Variants in N4BP2 observed in about 807,000 individuals in gnomAD.
N4BP2 encodes the protein NEDD4-binding protein 2.
A neutral mutation model predicts 152.8 loss-of-function variants in N4BP2; 91 were observed. That is an observed-to-expected ratio of 0.60 (90% CI 0.50 to 0.71). N4BP2 has a LOEUF of 0.71. Ranked by LOEUF, N4BP2 falls within the 30% of genes least tolerant of loss-of-function variation. The pLI is 0.00. For synonymous variants in N4BP2, 646 were observed against 705.3 expected (o/e 0.92, Z 1.33); for missense variants, 1,923 against 2,059.1 (o/e 0.93, Z 1.28).
Position 40,112,605 on chromosome 4 carries a change from C to T in N4BP2, c.1587+433C>T, listed in dbSNP as rs1352869402. 3.3e-5 allele frequency among the ~76,000 whole-genome samples: 5 copies of T among 152,052 alleles called. No homozygotes were observed. In the South Asian group the frequency reaches 1.0e-3, roughly 32 times the overall value. On this transcript the variant is annotated intron_variant, in intron 6 of 17. Coordinates refer to ENST00000261435, the MANE Select transcript of N4BP2 (RefSeq NM_018177.6). ...AGCATTCTGTAAACTCAGCTATTTTCTCTGAATTTGCCAGATTTCTTTTAA... is the reference window on the plus strand; with the variant it reads ...AGCATTCTGTAAACTCAGCTATTTTTTCTGAATTTGCCAGATTTCTTTTAA...
intron 13 of N4BP2, among the ~76,000 whole-genome samples, chr4:40,132,397 T>C (rs759106287): frequency 5.3e-5 from 8 of 152,118 alleles, no homozygotes; most frequent in Non-Finnish European, 1.2e-4. Context: ...TTATTTTAAA[T>C]GTCTACCTTT....
the N4BP2 span, among the ~76,000 whole-genome samples, chr4:40,187,040 CT>C: frequency 1.3e-5 from 2 of 152,212 alleles, no homozygotes; most frequent in Non-Finnish European, 2.9e-5. Flanking sequence ...CACAATTTTA[CT>C]TCACTGACTC....
chr4:40,145,793 T>C (rs1720457594), intron 16 of N4BP2, among the ~76,000 whole-genome samples: 1 of 152,154 alleles, frequency 6.6e-6, no homozygotes, highest in Admixed American at 6.5e-5. Context: ...GTTTATTGTC[T>C]AGTGGGGTAT....
the N4BP2 span, among the ~76,000 whole-genome samples, chr4:40,164,493 A>G: frequency 6.6e-6 from 1 of 152,198 alleles, no homozygotes; most frequent in African/African-American, 2.4e-5. Flanking sequence ...ATTGAAAGCC[A>G]GTCTGCTGGA....
chr4:40,119,993 A>G lies in N4BP2; in HGVS notation c.1882A>G (p.Lys628Glu). The change falls in exon 9 of 18, where the codon AAG (lysine) becomes GAG (glutamate). Residue 628 changes from lysine (K) to glutamate (E), a missense_variant. By Grantham distance (56) the Lys-to-Glu change is moderately conservative. Transcript: ENST00000261435. ...AGAAAATATTTTATCTTTATCTTTG[A>G]AGCATCTAGAGTTCACTGAAGAGAA... ...KEENILSLSL[K>E]HLEFTEEKNL... The G allele has an allele frequency of 6.5e-7, 1 of 1,539,718 alleles. No individual in the cohort carries two copies. The highest frequency in any genetic ancestry group is 1.4e-5 in the African/African-American group (1 of 71,938).
At chr4:40,082,666 A>G (rs974920035) in intron 2 of N4BP2, among the ~76,000 whole-genome samples, 1 of 151,666 alleles carries the variant, frequency 6.6e-6, no homozygotes, top group Admixed American at 6.6e-5. Context: ...CAAACAAACC[A>G]ACCCAACACC....
intron 8 of N4BP2, among the ~76,000 whole-genome samples, chr4:40,119,063 T>C (rs563589576): frequency 6.6e-6 from 1 of 152,338 alleles, no homozygotes; most frequent in African/African-American, 2.4e-5. Context: ...CTATATTTCC[T>C]GGGTTCAAAA....
intron 2 of N4BP2, among the ~76,000 whole-genome samples, chr4:40,084,809 TTC>T (rs891724716): frequency 8.6e-5 from 13 of 150,972 alleles, no homozygotes; most frequent in Non-Finnish European, 1.5e-4. Flanking sequence ...GAGACAGGGT[TTC>T]TCCATATTGG....
intron 14 of N4BP2, among the ~76,000 whole-genome samples, chr4:40,138,366 G>A (rs761849439): frequency 2.6e-5 from 4 of 152,172 alleles, no homozygotes; most frequent in Non-Finnish European, 5.9e-5. Flanking sequence ...CAGATATTCT[G>A]TCCTTTCCAT....
intron 15 of N4BP2, among the ~76,000 whole-genome samples, chr4:40,143,509 C>G (rs1403339567): frequency 6.6e-6 from 1 of 152,040 alleles, no homozygotes. Flanking sequence ...CCATGTTGTC[C>G]AGGCTGGTCG....
intron 6 of N4BP2, among the ~76,000 whole-genome samples, chr4:40,113,194 A>C (rs528687221): frequency 6.6e-6 from 1 of 152,204 alleles, no homozygotes; most frequent in African/African-American, 2.4e-5. Context: ...AAAACTGGCT[A>C]TCCTGGCATA....
At chr4:40,096,047 T>C (rs892909426) in intron 2 of N4BP2, among the ~76,000 whole-genome samples, 1 of 152,158 alleles carries the variant, frequency 6.6e-6, no homozygotes, top group African/African-American at 2.4e-5. Context: ...TTGGGAAATA[T>C]ATTAGACATT....
At position 40,123,187 on chromosome 4, in the gene N4BP2, A is replaced by G; in HGVS notation, c.4259A>G (p.His1420Arg). ...HIDLNLAKVI[H>R]EKWKESVMER... Reference sequence around the variant, plus strand: ...GATCTGAATCTGGCGAAAGTGATTCATGAGAAATGGAAAGAATCTGTAATG... The same window carrying G: ...GATCTGAATCTGGCGAAAGTGATTCGTGAGAAATGGAAAGAATCTGTAATG... The change falls in exon 10 of 18, where the codon CAT becomes CGT. Residue 1420 changes from histidine (H) to arginine (R), a missense_variant. By Grantham distance (29) the His-to-Arg change is conservative. Transcript: ENST00000261435. 3.1e-6 allele frequency: 5 copies of G among 1,612,232 alleles called. No homozygotes were observed. The highest frequency in any genetic ancestry group is 3.4e-6 in the Non-Finnish European group (4 of 1,178,424).
chr4:40,090,706 G>C (rs1299628664), intron 2 of N4BP2, among the ~76,000 whole-genome samples: 1 of 152,098 alleles, frequency 6.6e-6, no homozygotes, highest in African/African-American at 2.4e-5. Flanking sequence ...GCTGAGGCAG[G>C]CCGATCACCT....
the N4BP2 span, among the ~76,000 whole-genome samples, chr4:40,169,422 CATT>C: frequency 6.7e-6 from 1 of 150,334 alleles, no homozygotes; most frequent in Non-Finnish European, 1.5e-5. Context: ...TTAAATTTCA[CATT>C]ATTTGATGAA....
At chr4:40,127,973 T>C (rs1474626939) in intron 12 of N4BP2, among the ~76,000 whole-genome samples, 1 of 152,220 alleles carries the variant, frequency 6.6e-6, no homozygotes, top group East Asian at 1.9e-4. Context: ...AACAAAATAT[T>C]TTAGAGAAAA....
chr4:40,113,407 A>G, intron 6 of N4BP2, 25 bp from the exon 7 acceptor site: 1 of 1,487,464 alleles, frequency 6.7e-7, no homozygotes, highest in Non-Finnish European at 9.3e-7. Context: ...CTATTTTAAA[A>G]TGTTTTTGTC....
chr4:40,109,609 T>C (rs889145147), intron 5 of N4BP2, among the ~76,000 whole-genome samples: 1 of 151,974 alleles, frequency 6.6e-6, no homozygotes, highest in Non-Finnish European at 1.5e-5. Context: ...TCCCAGCTAC[T>C]TGAGAGGCTG....
At chr4:40,118,539 T>C (rs1717564441) in intron 8 of N4BP2, among the ~76,000 whole-genome samples, 2 of 152,194 alleles carry the variant, frequency 1.3e-5, no homozygotes, top group South Asian at 4.1e-4. Flanking sequence ...TACAAGTTCA[T>C]ATGAGAGATG....
Sources: allele counts gnomAD v4.1 joint callset (sites outside exome capture counted in the v4.1 genomes callset), GRCh38; gene constraint gnomAD v4.1.1; transcripts MANE v1.5; gene names NCBI Gene and HGNC (gene_info 2026-07-23, HGNC 2026-07-21).